The following NEIL1 variants were observed in gnomAD, a reference collection of about 807,000 sequenced individuals.
NEIL1 encodes endonuclease 8-like 1.
NEIL1 carries 31 observed loss-of-function variants against 44.2 expected under a neutral mutation model. That is an observed-to-expected ratio of 0.70 (90% CI 0.53 to 0.95). NEIL1 has a LOEUF of 0.95. NEIL1 is among the 40% of genes least tolerant of loss of function. The pLI is 0.00. For synonymous variants in NEIL1, 254 were observed against 209.7 expected (o/e 1.21, Z -1.83); for missense variants, 549 against 515.5 (o/e 1.07, Z -0.63).
Position 75,356,453 on chromosome 15 carries a change from G to A in NEIL1, c.*1419G>A. The A allele has an allele frequency of 1.3e-6, 2 of 1,593,858 alleles. No homozygotes were observed. The highest frequency in any genetic ancestry group is 1.7e-6 in the Non-Finnish European group (2 of 1,171,404). ...ACGCCAGCATCCTGGAAAGAGCCTGGGGTACGACCAGGAAACAATGCTGGT... is the reference window on the plus strand; with the variant it reads ...ACGCCAGCATCCTGGAAAGAGCCTGAGGTACGACCAGGAAACAATGCTGGT... On this transcript the variant is annotated 3_prime_UTR_variant, in exon 10 of 10. Transcript: ENST00000355059. This position sits in a 1 kb window ranked among gnomAD's most constrained non-coding sequence, Gnocchi z 5.8.
rs1280200138 is a variant in NEIL1, at chr15:75,355,822, A to G, written c.*788A>G. On this transcript the variant is annotated 3_prime_UTR_variant, in exon 10 of 10. Transcript: ENST00000355059. ...GATCCAAGGATTTATTCCACAAGAAAAGACTGATCCCTGCTTTAGGCTGGG... is the reference window on the plus strand; with the variant it reads ...GATCCAAGGATTTATTCCACAAGAAGAGACTGATCCCTGCTTTAGGCTGGG... 3 of 1,538,828 alleles carry G rather than the reference A, an allele frequency of 1.9e-6. No homozygotes were observed. The highest frequency in any genetic ancestry group is 2.7e-6 in the Non-Finnish European group (3 of 1,123,562).
chr15:75,356,330 G>GTGAA lies in NEIL1; in HGVS notation c.*1297_*1300dup, dbSNP rs1263194577. 4 of 1,612,240 alleles carry GTGAA rather than the reference G, an allele frequency of 2.5e-6. No homozygotes were observed. The highest frequency in any genetic ancestry group is 3.4e-6 in the Non-Finnish European group (4 of 1,179,488). On this transcript the variant is annotated 3_prime_UTR_variant, in exon 10 of 10. Transcript: ENST00000355059. The surrounding 1 kb of genome is among the most constrained non-coding windows in gnomAD (Gnocchi z 5.8). ...TTGACGGTCTCCAATACGACCGCGG[G>GTGAA]TGAAGACACGGAAAACGCACTCCAG...
At chr15:75,354,371 C>A in intron 7 of NEIL1, 60 bp from the exon 8 acceptor site, 1 of 1,612,022 alleles carries the variant, frequency 6.2e-7, no homozygotes, top group Non-Finnish European at 8.5e-7. Flanking sequence ...CCCCCTGCAA[C>A]CCTGGGAGTC....
In NEIL1 at chr15:75,356,106, TCA is replaced by T; in HGVS notation, c.*1075_*1076del. On this transcript the variant is annotated 3_prime_UTR_variant, in exon 10 of 10. Transcript: ENST00000355059. The surrounding 1 kb of genome is among the most constrained non-coding windows in gnomAD (Gnocchi z 5.8). ...CCCCGCCCCAATCCCACACCGCCAC[TCA>T]CAGGATGGCCTCCTGAACCGGCAGC... The T allele has an allele frequency of 6.2e-7, 1 of 1,613,820 alleles. No homozygotes were observed. Among genetic ancestry groups the T allele is most frequent in the Non-Finnish European group, 8.5e-7 (1 of 1,179,944 alleles).
At chr15:75,347,784 C>T (rs1480695557) in intron 1 of NEIL1, 6 of 1,112,620 alleles carry the variant, frequency 5.4e-6, no homozygotes, top group East Asian at 7.9e-5. Flanking sequence ...AGGGTCGCAG[C>T]GGGGGCATGG....
rs182211802 is a variant in NEIL1 at position 75,356,020 on chromosome 15, C to G, written c.*986C>G. ...AGTGGCCAGCAGGGTCTGGTCGCTC[C>G]AAGAGATCGCAGCTGGAGAACAGGA... On this transcript the variant is annotated 3_prime_UTR_variant, in exon 10 of 10. Transcript: ENST00000355059. The surrounding 1 kb of genome is among the most constrained non-coding windows in gnomAD (Gnocchi z 5.8). 6.2e-7 allele frequency: 1 copy of G among 1,613,830 alleles called. No homozygotes were observed. Among genetic ancestry groups the G allele is most frequent in the African/African-American group, 1.3e-5 (1 of 74,920 alleles).
rs1318187182 is a variant in NEIL1 at position 75,352,624 on chromosome 15, A to C, written c.641A>C (p.Gln214Pro). ...HRPSPELTLSQKIRTKLQNPD... is the reference protein window; with the variant it reads ...HRPSPELTLSPKIRTKLQNPD... The stretch of plus-strand genomic sequence containing the variant: ...CAGAGCCCGGAGCTGACCCTGAGCC[A>C]GAAGATAAGGACCAAGCTGCAGAAT... The change falls in exon 5 of 10, where the codon CAG becomes CCG. Residue 214 changes from glutamine to proline, a missense_variant. Physicochemically the swap from Gln to Pro is moderately conservative, Grantham distance 76 (BLOSUM62 -1). Transcript: ENST00000355059. 1 of 1,613,496 alleles carries C rather than the reference A, an allele frequency of 6.2e-7. No homozygotes were observed. Among genetic ancestry groups the C allele is most frequent in the East Asian group, 2.2e-5 (1 of 44,842 alleles).
chr15:75,354,013 C>A, intron 6 of NEIL1, 147 bp downstream of exon 6: 2 of 1,184,500 alleles, frequency 1.7e-6, no homozygotes, highest in East Asian at 2.4e-5. Context: ...CCCTCCCCTC[C>A]CATGCGTCCC....
chr15:75,348,218 G>A (rs1444523708), intron 1 of NEIL1: 2 of 782,066 alleles, frequency 2.6e-6, no homozygotes, highest in African/African-American at 1.9e-5. Flanking sequence ...ACCCGGGGGC[G>A]GCCGCGGGGA....
In NEIL1 at chr15:75,355,976, C is replaced by A. The variant is rs369456817; in HGVS notation, c.*942C>A. ...GAAGGGAGAAAAGGTGAGCTTCAGGCGGTTGTCCCGAAGGGTCAAGTGGCC... is the reference window on the plus strand; with the variant it reads ...GAAGGGAGAAAAGGTGAGCTTCAGGAGGTTGTCCCGAAGGGTCAAGTGGCC... On this transcript the variant is annotated 3_prime_UTR_variant, in exon 10 of 10. Transcript: ENST00000355059. 1 of 1,614,098 alleles carries A rather than the reference C, an allele frequency of 6.2e-7. No homozygotes were observed.
intron 1 of NEIL1, chr15:75,347,901 G>A (rs1161800264): frequency 2.9e-5 from 36 of 1,235,816 alleles, no homozygotes; most frequent in African/African-American, 4.7e-5. Context: ...CGGCTCCCAG[G>A]TGTGGAGGGG....
At position 75,348,298 on chromosome 15, in the gene NEIL1, C is replaced by G. The variant is rs535315906; in HGVS notation, c.-22-586C>G. 3.5e-5 allele frequency: 34 copies of G among 984,784 alleles called. No homozygotes were observed. In the East Asian group the frequency reaches 2.7e-3, roughly 79 times the overall value. 61.0% of individuals were successfully genotyped at this position (984,784 alleles called of 1,614,324 possible). On this transcript the variant is annotated intron_variant, in intron 1 of 9. Coordinates refer to ENST00000355059, the MANE Select transcript of NEIL1 (RefSeq NM_024608.4). ...GCCGATTCGGCCGCTCCCGCCGCTCCCCCGCGCCAGGCCGAGCTTCGCTCT... is the reference window on the plus strand; with the variant it reads ...GCCGATTCGGCCGCTCCCGCCGCTCGCCCGCGCCAGGCCGAGCTTCGCTCT...
chr15:75,348,311 C>T, intron 1 of NEIL1: 1 of 985,662 alleles, frequency 1.0e-6, no homozygotes, highest in Non-Finnish European at 1.2e-6. Context: ...CGCGCCAGGC[C>T]GAGCTTCGCT....
rs140383957 is a variant in NEIL1, at chr15:75,356,636, C to T, written c.*1602C>T. On this transcript the variant is annotated 3_prime_UTR_variant, in exon 10 of 10. Coordinates refer to ENST00000355059, the MANE Select transcript of NEIL1 (RefSeq NM_024608.4). The surrounding 1 kb of genome is among the most constrained non-coding windows in gnomAD (Gnocchi z 5.8). ...TGCGGCATCAGTGCATAGGTGAACT[C>T]GTGGCGCCCCGTGTCAGCAGTAGCG... The T allele has an allele frequency of 9.6e-6, 15 of 1,568,412 alleles. No homozygotes were observed. In the South Asian group the frequency reaches 1.0e-4, roughly 11 times the overall value.
chr15:75,353,621 GCCC>G (rs766523130), intron 5 of NEIL1, 115 bp from the exon 6 acceptor site: 1 of 1,069,288 alleles, frequency 9.4e-7, no homozygotes, highest in East Asian at 2.4e-5. Context: ...GGAGAGTGTG[GCCC>G]CTGACTCAGT....
In NEIL1 at chr15:75,356,796, G is replaced by T; in HGVS notation, c.*1762G>T. 1.2e-6 allele frequency: 2 copies of T among 1,614,044 alleles called. No individual in the cohort carries two copies. Among genetic ancestry groups the T allele is most frequent in the Non-Finnish European group, 1.7e-6 (2 of 1,180,028 alleles). The stretch of plus-strand genomic sequence containing the variant: ...GCCTGGTGGGTACCCCACTTACAGC[G>T]AGAGGCTGAGGATGCTGCCTCGCAC... On this transcript the variant is annotated 3_prime_UTR_variant, in exon 10 of 10. Coordinates refer to ENST00000355059, the MANE Select transcript of NEIL1 (RefSeq NM_024608.4). This position sits in a 1 kb window ranked among gnomAD's most constrained non-coding sequence, Gnocchi z 5.8.
Position 75,357,106 on chromosome 15 carries a change from A to C in NEIL1, c.*2072A>C. ...CTGTGAAACGGGAATAAATAATAGTACTCACCCCATCGAATGATCATGAGT... is the reference window on the plus strand; with the variant it reads ...CTGTGAAACGGGAATAAATAATAGTCCTCACCCCATCGAATGATCATGAGT... On this transcript the variant is annotated 3_prime_UTR_variant, in exon 10 of 10. Transcript: ENST00000355059. The C allele has an allele frequency of 1.7e-6, 1 of 585,266 alleles. No homozygotes were observed. The highest frequency in any genetic ancestry group is 2.8e-5 in the East Asian group (1 of 35,604). 36.3% of individuals were successfully genotyped at this position (585,266 alleles called of 1,614,324 possible). A position where few individuals can be genotyped will look rare whatever the true frequency, so the allele number is the denominator to read the frequency against.
rs774870470 is a variant in NEIL1, at chr15:75,349,180, A to T, written c.275A>T (p.Glu92Val). The stretch of plus-strand genomic sequence containing the variant: ...TCTTTTCAGCTGGTGCCCCGCGAGG[A>T]GCTGCCACGCCATGCCCACCTGCGC... ...SGSFQLVPRE[E>V]LPRHAHLRFY... Residue 92 changes from glutamate to valine, a missense_variant, in exon 2 of 10, where the codon GAG becomes GTG. By Grantham distance (121) the Glu-to-Val change is moderately radical. Coordinates refer to ENST00000355059, the MANE Select transcript of NEIL1 (RefSeq NM_024608.4). 4.4e-6 allele frequency: 7 copies of T among 1,608,934 alleles called. No individual in the cohort carries two copies. The East Asian group carries it at 1.3e-4, about 31-fold the overall frequency.
intron 1 of NEIL1, chr15:75,348,233 C>G (rs1015291580): frequency 2.4e-6 from 2 of 835,262 alleles, no homozygotes; most frequent in Admixed American, 1.2e-4. Flanking sequence ...CGGGGATGTC[C>G]GGTCCGTGGG....
Sources: allele counts gnomAD v4.1 joint callset, GRCh38; gene constraint gnomAD v4.1.1; non-coding constraint Gnocchi (gnomAD v3.1); transcripts MANE v1.5; gene names NCBI Gene and HGNC (gene_info 2026-07-23, HGNC 2026-07-21).